The following SPG7 variants were observed in gnomAD, a reference collection of about 807,000 sequenced individuals.
SPG7 encodes mitochondrial inner membrane m-AAA protease component paraplegin.
Under a neutral mutation model 81.9 loss-of-function variants are expected in SPG7, and 103 were observed. The observed-to-expected ratio is 1.26, with a 90% CI of 1.07 to 1.48. The LOEUF is 1.48. Ranked by LOEUF, SPG7 falls within the 40% of genes most tolerant of loss-of-function variation. The pLI, the probability that SPG7 is intolerant of heterozygous loss-of-function variation, is 0.00. For synonymous variants in SPG7, 534 were observed against 444.2 expected, an observed-to-expected ratio of 1.20 and a Z score of -2.54; for missense variants, 1,241 against 1,087.3, an observed-to-expected ratio of 1.14 and a Z score of -1.99.
chr16:89,537,300 G>A (rs1325028987), intron 9 of SPG7: 15 of 1,292,274 alleles, frequency 1.2e-5, no homozygotes, highest in East Asian at 3.4e-5. Flanking sequence ...CGGGAAGGGC[G>A]CAAGTCAAAG....
rs545940889 is a variant in SPG7, at chr16:89,557,114, G to A, written c.*21G>A. ...AGTAGTTGGGAGGTGTTGGCTGCAC[G>A]TGCGGGTGGTCCGGGAAGTGAGGGC... On this transcript the variant is annotated 3_prime_UTR_variant, in exon 17 of 17. Transcript: ENST00000645818. 8.7e-6 allele frequency: 14 copies of A among 1,601,610 alleles called. No homozygotes were observed. In the South Asian group the frequency reaches 9.9e-5, roughly 11 times the overall value.
chr16:89,510,714 C>T, intron 2 of SPG7, 122 bp downstream of exon 2: 1 of 711,934 alleles, frequency 1.4e-6, no homozygotes, highest in Non-Finnish European at 2.5e-6. Context: ...GGCTGGAGTG[C>T]AGTACAATGG....
chr16:89,529,664 A>G, intron 6 of SPG7, 85 bp downstream of exon 6: 2 of 999,200 alleles, frequency 2.0e-6, no homozygotes, highest in Non-Finnish European at 3.1e-6. Context: ...CGATGAATAC[A>G]CAGGGAAAAC....
chr16:89,536,433 G>A (rs556321268), intron 9 of SPG7, among the ~76,000 whole-genome samples: 12 of 152,072 alleles, frequency 7.9e-5, no homozygotes, highest in South Asian at 2.1e-4. Context: ...GGTTCTGGCC[G>A]CAGAGTCTGA....
chr16:89,546,303 C>T (rs2058562430), intron 10 of SPG7: 1 of 336,208 alleles, frequency 3.0e-6, no homozygotes, highest in African/African-American at 2.1e-5. Flanking sequence ...CCAGACTGCC[C>T]ACTTCAGCCT....
intron 9 of SPG7, among the ~76,000 whole-genome samples, chr16:89,536,485 GT>G (rs1315339186): frequency 0.012 from 1,186 of 99,286 alleles, 288 homozygotes; most frequent in East Asian, 0.024. Flanking sequence ...GGCGGGTGAG[GT>G]CAGGTGAGGC....
chr16:89,547,284 T>G, intron 11 of SPG7: 1 of 189,518 alleles, frequency 5.3e-6, no homozygotes, highest in Non-Finnish European at 1.1e-5. Flanking sequence ...TTGTGGTTAC[T>G]AGAGAGCCTT....
intron 3 of SPG7, chr16:89,523,461 T>G (rs932713690): frequency 2.9e-6 from 1 of 341,546 alleles, no homozygotes; most frequent in South Asian, 2.2e-5. Flanking sequence ...TTAATAACTT[T>G]TGTGTATGTT....
chr16:89,540,012 TGTC>T (rs2058474941), intron 9 of SPG7: 1 of 152,520 alleles, frequency 6.6e-6, no homozygotes, highest in Non-Finnish European at 1.5e-5. Context: ...TCTGAAATGC[TGTC>T]TTCTTTCCAC....
At chr16:89,526,605 T>C in intron 5 of SPG7, 137 bp downstream of exon 5, 1 of 895,964 alleles carries the variant, frequency 1.1e-6, no homozygotes, top group South Asian at 1.3e-5. Flanking sequence ...GTTAAATAAA[T>C]ATAGAAGTGA....
At chr16:89,523,980 T>C in intron 3 of SPG7, 26 bp from the exon 4 acceptor site, 3 of 1,609,878 alleles carry the variant, frequency 1.9e-6, no homozygotes, top group Admixed American at 1.7e-5. Context: ...TGTTTGTTTC[T>C]CCCTTTTGCT....
chr16:89,538,359 CG>C (rs201664338), intron 9 of SPG7: 4 of 152,056 alleles, frequency 2.6e-5, no homozygotes, highest in African/African-American at 7.3e-5. Context: ...TTAGAGAGCA[CG>C]GGGGGAAATT....
chr16:89,534,848 C>T (rs2058391457), intron 9 of SPG7, among the ~76,000 whole-genome samples: 3 of 152,218 alleles, frequency 2.0e-5, no homozygotes, highest in South Asian at 2.1e-4. Flanking sequence ...CAGGTGCTTC[C>T]GCCCCCCCGA....
At chr16:89,545,231 G>A in intron 10 of SPG7, 1 of 307,814 alleles carries the variant, frequency 3.2e-6, no homozygotes, top group Non-Finnish European at 6.4e-6. Context: ...TGGGGTGGGA[G>A]TAGAAGTCCT....
chr16:89,546,065 A>G, intron 10 of SPG7: 1 of 300,486 alleles, frequency 3.3e-6, no homozygotes, highest in Non-Finnish European at 6.5e-6. Context: ...AGTGATCCCC[A>G]CCCACCTCTC....
intron 5 of SPG7, among the ~76,000 whole-genome samples, chr16:89,527,839 A>G (rs2058284469): frequency 6.6e-6 from 1 of 152,044 alleles, no homozygotes; most frequent in Admixed American, 6.5e-5. Context: ...CTATGCCTGT[A>G]ATCCCAGCAC....
chr16:89,549,499 GA>G, intron 12 of SPG7: 1 of 341,058 alleles, frequency 2.9e-6, no homozygotes, highest in Non-Finnish European at 5.7e-6. Context: ...TCTCTTAAAA[GA>G]AAAGAATAAA....
At chr16:89,548,204 G>GTTCC in intron 12 of SPG7, 91 bp downstream of exon 12, 1 of 861,214 alleles carries the variant, frequency 1.2e-6, no homozygotes, top group Non-Finnish European at 1.9e-6. Flanking sequence ...GAGGTGGATG[G>GTTCC]AACCATCACA....
At chr16:89,546,586 A>G (rs1442408804) in intron 10 of SPG7, 72 bp from the exon 11 acceptor site, 1 of 848,160 alleles carries the variant, frequency 1.2e-6, no homozygotes, top group Non-Finnish European at 2.0e-6. Flanking sequence ...CCCCCCCCAC[A>G]GACAAACATG....
Sources: gnomAD v4.1 joint callset for allele counts (sites outside exome capture counted in the v4.1 genomes callset) on GRCh38, gnomAD v4.1.1 for gene constraint, MANE v1.5 for transcripts, NCBI Gene and HGNC (gene_info 2026-07-23, HGNC 2026-07-21) for gene names.